CDH3: variants seen among roughly 807,000 people sequenced by gnomAD.
CDH3 encodes the protein cadherin 3, also known as cadherin-3.
A neutral mutation model predicts 82.0 loss-of-function variants in CDH3; 54 were observed. The ratio of observed to expected loss-of-function variants is 0.66; its 90% confidence interval spans 0.53 to 0.83. CDH3 has a LOEUF of 0.83. CDH3 is among the 40% of genes least tolerant of loss of function. The pLI is 0.00. For synonymous variants in CDH3, 446 were observed against 437.9 expected, an observed-to-expected ratio of 1.02 and a Z score of -0.23; for missense variants, 1,054 against 1,084.6, an observed-to-expected ratio of 0.97 and a Z score of 0.40.
At chr16:68,709,064 C>T (rs2152109746) in intron 1 of CDH3, among the ~76,000 whole-genome samples, 1 of 152,270 alleles carries the variant, frequency 6.6e-6, no homozygotes, top group Admixed American at 6.5e-5. Context: ...CAGGTGTGAG[C>T]CACTGCACCC....
intron 4 of CDH3, 92 bp downstream of exon 4, chr16:68,678,369 G>T: frequency 6.3e-7 from 1 of 1,587,436 alleles, no homozygotes; most frequent in South Asian, 1.1e-5. Flanking sequence ...GAATGTGGGG[G>T]CTGAGACAGA....
At chr16:68,681,826 A>G (rs1474865508) in intron 8 of CDH3, among the ~76,000 whole-genome samples, 1 of 152,152 alleles carries the variant, frequency 6.6e-6, no homozygotes, top group African/African-American at 2.4e-5. Flanking sequence ...CGGCAGACTG[A>G]GACTGTCTAA....
intron 11 of CDH3, chr16:68,686,537 A>G (rs1597813332): frequency 2.6e-6 from 3 of 1,158,708 alleles, no homozygotes; most frequent in Non-Finnish European, 3.9e-6. Flanking sequence ...ATCGGATTCT[A>G]AAGGAAAGGG....
intron 6 of CDH3, among the ~76,000 whole-genome samples, chr16:68,679,271 T>A (rs142765322): frequency 1.3e-5 from 2 of 152,180 alleles, no homozygotes; most frequent in Admixed American, 1.3e-4. Flanking sequence ...GGGAATAATA[T>A]CAACTTTGAA....
downstream of CDH3, among the ~76,000 whole-genome samples, chr16:68,731,515 TACAC>T (rs1184478445): frequency 7.1e-4 from 24 of 33,712 alleles, 5 homozygotes; most frequent in Non-Finnish European, 1.2e-3. Flanking sequence ...CACACACATA[TACAC>T]ACACACACAC....
chr16:68,692,033 C>T (rs1961595408), intron 13 of CDH3, 107 bp downstream of exon 13: 1 of 815,878 alleles, frequency 1.2e-6, no homozygotes. Context: ...CATTGCCCGT[C>T]CACTCCTTAA....
chr16:68,645,746 G>A lies in CDH3; in HGVS notation c.156G>A (p.Gly52=), dbSNP rs978239303. 2 of 1,543,358 alleles carry A rather than the reference G, an allele frequency of 1.3e-6. No homozygotes were observed. Among genetic ancestry groups the A allele is most frequent in the Non-Finnish European group, 1.7e-6 (2 of 1,145,642 alleles). The change falls in exon 2 of 16, where the codon GGG becomes GGA. Residue 52 remains glycine (G), a synonymous_variant. Transcript: ENST00000264012. ...GAEQEPGQAL[G]KVFMGCPGQE... is the part of the protein sequence containing the mutation. ...AGCAGGAGCCCGGCCAGGCGCTGGG[G>A]AAAGGTAAGATCCTCAGGGTGGAAC... is the stretch of plus-strand genomic sequence containing the variant.
chr16:68,695,173 G>A, intron 13 of CDH3, 82 bp from the exon 14 acceptor site: 2 of 1,468,958 alleles, frequency 1.4e-6, no homozygotes, highest in African/African-American at 1.4e-5. Flanking sequence ...GACATCTGCA[G>A]TTAGAGGGGC....
intron 13 of CDH3, among the ~76,000 whole-genome samples, chr16:68,693,041 T>C (rs1471381671): frequency 6.6e-6 from 1 of 150,978 alleles, no homozygotes; most frequent in Non-Finnish European, 1.5e-5. Context: ...GAGATGGAGG[T>C]TGCAGTCAGC....
intron 1 of CDH3, among the ~76,000 whole-genome samples, chr16:68,721,283 GAGTGC>G (rs1297806203): frequency 6.9e-6 from 1 of 145,954 alleles, no homozygotes; most frequent in Non-Finnish European, 1.5e-5. Flanking sequence ...GCCTGGGCTG[GAGTGC>G]AGTAGCACGA....
chr16:68,695,225 G>A (rs747717484), intron 13 of CDH3, 30 bp from the exon 14 acceptor site: 7 of 1,613,712 alleles, frequency 4.3e-6, no homozygotes, highest in African/African-American at 1.3e-5. Context: ...TGGTTACAGA[G>A]GGAGCACTCA....
chr16:68,651,275 G>T (rs1960234173), intron 2 of CDH3: 1 of 543,936 alleles, frequency 1.8e-6, no homozygotes, highest in Non-Finnish European at 3.7e-6. Context: ...TAGATGTGCA[G>T]CTGGGTCCAG....
At chr16:68,661,059 T>C (rs1960561557) in intron 2 of CDH3, among the ~76,000 whole-genome samples, 1 of 152,122 alleles carries the variant, frequency 6.6e-6, no homozygotes, top group African/African-American at 2.4e-5. Context: ...GAAGTGTATG[T>C]ATGGGGTGGA....
chr16:68,721,086 C>G (rs1277816352), intron 1 of CDH3, among the ~76,000 whole-genome samples: 2 of 151,992 alleles, frequency 1.3e-5, no homozygotes, highest in African/African-American at 4.8e-5. Context: ...GCCCAGTATC[C>G]CCAGTATTTG....
intron 13 of CDH3, among the ~76,000 whole-genome samples, chr16:68,693,288 A>C (rs984267937): frequency 6.6e-6 from 1 of 151,998 alleles, no homozygotes; most frequent in African/African-American, 2.4e-5. Flanking sequence ...TGCTGAGCAG[A>C]CTATATGGGG....
In CDH3 at chr16:68,679,780, A is replaced by T. The variant is rs1961157399; in HGVS notation, c.692-19A>T. On this transcript the variant is annotated intron_variant, in intron 6 of 15. Transcript: ENST00000264012. ...GGAGTTGGAACTGGGAGGAAAAGAT[A>T]CTCATCCCTTCTCTCCAGGTACTTC... 1.9e-6 allele frequency: 3 copies of T among 1,579,976 alleles called. No homozygotes were observed. Among genetic ancestry groups the T allele is most frequent in the Admixed American group, 1.7e-5 (1 of 59,908 alleles).
At chr16:68,709,113 A>G (rs1440417395) in intron 1 of CDH3, among the ~76,000 whole-genome samples, 1 of 151,954 alleles carries the variant, frequency 6.6e-6, no homozygotes. Context: ...GTCTCACTCC[A>G]TCTACTAGGC....
Position 68,671,802 on chromosome 16 carries a change from G to A in CDH3, c.161-4583G>A, listed in dbSNP as rs141848283. On this transcript the variant is annotated intron_variant, in intron 2 of 15. Transcript: ENST00000264012. The stretch of plus-strand genomic sequence containing the variant: ...CTCCGAAAGTCCTGGGATTACAGGC[G>A]TGAGATACCATGCCTGGCTGACTTC... 4.6e-3 allele frequency among the ~76,000 whole-genome samples: 697 copies of A among 152,172 alleles called. 11 individuals carry two copies. The highest frequency in any genetic ancestry group is 0.016 in the African/African-American group (646 of 41,516).
intron 1 of CDH3, among the ~76,000 whole-genome samples, chr16:68,718,047 T>A (rs943776945): frequency 2.6e-5 from 4 of 151,852 alleles, no homozygotes; most frequent in Non-Finnish European, 4.4e-5. Flanking sequence ...CAGGCTGGAG[T>A]TGCCCAGACT....
Sources: allele counts gnomAD v4.1 joint callset (sites outside exome capture counted in the v4.1 genomes callset), GRCh38; gene constraint gnomAD v4.1.1; transcripts MANE v1.5; gene names NCBI Gene and HGNC (gene_info 2026-07-23, HGNC 2026-07-21).